Variants in ANKRD12 observed in about 807,000 individuals in gnomAD.
The protein encoded by ANKRD12 is ankyrin repeat domain 12.
ANKRD12 carries 85 observed loss-of-function variants against 183.4 expected under a neutral mutation model. The ratio of observed to expected loss-of-function variants is 0.46; its 90% CI spans 0.39 to 0.56. ANKRD12 has a LOEUF of 0.56. Ranked by LOEUF, ANKRD12 falls within the 20% of genes least tolerant of loss-of-function variation. ANKRD12 has a pLI of 0.00. For synonymous variants in ANKRD12, 914 were observed against 800.2 expected (o/e 1.14, Z -2.40); for missense variants, 2,405 against 2,357.1 (o/e 1.02, Z -0.42).
At chr18:9,201,326 C>T (rs1005787708) in intron 3 of ANKRD12, among the ~76,000 whole-genome samples, 2 of 152,170 alleles carry the variant, frequency 1.3e-5, no homozygotes, top group Admixed American at 6.5e-5. Flanking sequence ...CTAGTCTTAA[C>T]GGTGTCCAAG....
At chr18:9,175,945 A>G (rs891372850) in intron 1 of ANKRD12, among the ~76,000 whole-genome samples, 1 of 152,204 alleles carries the variant, frequency 6.6e-6, no homozygotes, top group Non-Finnish European at 1.5e-5. Context: ...TGAACCAAAA[A>G]AAACTCTTTG....
At chr18:9,206,254 A>G (rs938765448) in intron 4 of ANKRD12, among the ~76,000 whole-genome samples, 2 of 152,102 alleles carry the variant, frequency 1.3e-5, no homozygotes, top group African/African-American at 4.8e-5. Flanking sequence ...TTAAACTTCA[A>G]AGTTCTTGTC....
At chr18:9,147,043 T>C (rs1250915283) in intron 1 of ANKRD12, among the ~76,000 whole-genome samples, 1 of 152,220 alleles carries the variant, frequency 6.6e-6, no homozygotes, top group African/African-American at 2.4e-5. Context: ...TATTTATTAC[T>C]TGGATTGCTG....
chr18:9,205,959 T>C (rs1247834024), intron 4 of ANKRD12, among the ~76,000 whole-genome samples: 1 of 152,082 alleles, frequency 6.6e-6, no homozygotes, highest in Non-Finnish European at 1.5e-5. Context: ...TACTTAACAC[T>C]TAATTGGGAT....
At chr18:9,153,956 G>T (rs34492503) in intron 1 of ANKRD12, among the ~76,000 whole-genome samples, 2 of 151,900 alleles carry the variant, frequency 1.3e-5, no homozygotes, top group Non-Finnish European at 2.9e-5. Context: ...TAACTACTTA[G>T]TTCTGCATGT....
chr18:9,199,969 G>A (rs1289015256), intron 3 of ANKRD12, among the ~76,000 whole-genome samples: 1 of 151,978 alleles, frequency 6.6e-6, no homozygotes, highest in African/African-American at 2.4e-5. Flanking sequence ...TGAGATAATG[G>A]TCATATGTTA....
At position 9,283,876 on chromosome 18, in the gene ANKRD12, T is replaced by C. The variant is rs1322126410; in HGVS notation, c.*2750T>C. 8 of 152,460 alleles carry C rather than the reference T, an allele frequency of 5.2e-5. No individual in the cohort carries two copies. The highest frequency in any genetic ancestry group is 5.2e-4 in the Admixed American group (8 of 15,282). The allele number at this position is 152,460 out of a possible 1,614,324, so 9.4% of individuals were successfully genotyped here. ...AAACAGCCTTTGAAGAATTAGCCTT[T>C]CAAGTTCAAATCTATTTAATAATGA... On this transcript the variant is annotated 3_prime_UTR_variant, in exon 13 of 13. Coordinates refer to ENST00000262126, the MANE Select transcript of ANKRD12 (RefSeq NM_015208.5).
chr18:9,267,031 T>G (rs866959643), intron 10 of ANKRD12, among the ~76,000 whole-genome samples: 25 of 152,156 alleles, frequency 1.6e-4, no homozygotes, highest in African/African-American at 4.6e-4. Flanking sequence ...GGCCATTACA[T>G]AATGGTAAAG....
chr18:9,149,988 G>A (rs1342971657), intron 1 of ANKRD12, among the ~76,000 whole-genome samples: 2 of 151,680 alleles, frequency 1.3e-5, no homozygotes, highest in African/African-American at 4.8e-5. Context: ...GTAGAGACGG[G>A]GTTTCACCAT....
Position 9,275,615 on chromosome 18 carries a change from C to T in ANKRD12, c.5855C>T (p.Ala1952Val). ...TLANQTLPFS[A>V]CTVLLDAEVY... Reference sequence around the variant, plus strand: ...GCAAATCAAACACTGCCATTTAGTGCTTGTACTGTTTTGCTGGATGCCGAA... The same window carrying T: ...GCAAATCAAACACTGCCATTTAGTGTTTGTACTGTTTTGCTGGATGCCGAA... The change falls in exon 11 of 13, where the codon GCT becomes GTT. Residue 1952 changes from alanine (A) to valine (V), a missense_variant. This residue lies in a region of ANKRD12 where 162 missense variants were observed against 272.2 expected (regional missense o/e 0.60). Coordinates refer to ENST00000262126, the MANE Select transcript of ANKRD12 (RefSeq NM_015208.5). The T allele has an allele frequency of 3.1e-6, 5 of 1,607,708 alleles. No homozygotes were observed. Among genetic ancestry groups the T allele is most frequent in the Non-Finnish European group, 4.3e-6 (5 of 1,175,346 alleles).
intron 5 of ANKRD12, among the ~76,000 whole-genome samples, chr18:9,210,791 T>C (rs1430462631): frequency 1.3e-5 from 2 of 150,700 alleles, no homozygotes; most frequent in Non-Finnish European, 3.0e-5. Flanking sequence ...AGGATGGTAT[T>C]GCCTTAGAGC....
At chr18:9,165,353 T>C (rs2031923595) in intron 1 of ANKRD12, among the ~76,000 whole-genome samples, 1 of 152,156 alleles carries the variant, frequency 6.6e-6, no homozygotes, top group Non-Finnish European at 1.5e-5. Context: ...TGGTAAAATA[T>C]ACATAACATA....
chr18:9,255,654 CTAT>C lies in ANKRD12; in HGVS notation c.2388_2390del (p.Ile797del), dbSNP rs2038564124. 2 of 1,585,302 alleles carry C rather than the reference CTAT, an allele frequency of 1.3e-6. No homozygotes were observed. The highest frequency in any genetic ancestry group is 2.4e-5 in the South Asian group (2 of 84,110). ...TTGGGTATGAGTGCCATTGAGGAAT[CTAT>C]AGGGCTTCATTTAGTGGAAAAGGAA... On this transcript the variant is annotated inframe_deletion, in exon 9 of 13. Transcript: ENST00000262126.
In ANKRD12 at chr18:9,257,226, C is replaced by A. The variant is rs778006043; in HGVS notation, c.3959C>A (p.Thr1320Asn). Reference sequence around the variant, plus strand: ...ATGCCTTCTGTCATTTGTGAACATACCAAACAATTCCAAACAATATCAGAA... The same window carrying A: ...ATGCCTTCTGTCATTTGTGAACATAACAAACAATTCCAAACAATATCAGAA... The part of the protein sequence containing the change: ...CSMPSVICEH[T>N]KQFQTISEES... Residue 1320 changes from threonine to asparagine, a missense_variant, in exon 9 of 13, where the codon ACC (threonine) becomes AAC (asparagine). Physicochemically the swap from Thr to Asn is moderately conservative, Grantham distance 65. Coordinates refer to ENST00000262126, the MANE Select transcript of ANKRD12 (RefSeq NM_015208.5). 5 of 1,613,992 alleles carry A rather than the reference C, an allele frequency of 3.1e-6. No individual in the cohort carries two copies. The highest frequency in any genetic ancestry group is 3.4e-6 in the Non-Finnish European group (4 of 1,179,998).
At chr18:9,184,741 T>C (rs1446695057) in intron 2 of ANKRD12, among the ~76,000 whole-genome samples, 2 of 152,212 alleles carry the variant, frequency 1.3e-5, no homozygotes, top group Non-Finnish European at 2.9e-5. Context: ...AAGTATACAA[T>C]TCAGTTGTTT....
rs940611705 is a variant in ANKRD12 at position 9,284,699 on chromosome 18, A to G, written c.*3573A>G. On this transcript the variant is annotated 3_prime_UTR_variant, in exon 13 of 13. Coordinates refer to ENST00000262126, the MANE Select transcript of ANKRD12 (RefSeq NM_015208.5). Reference sequence around the variant, plus strand: ...AAGCCTCCACAGAGATAGTCACCCAAAGTATTTCCAGTCAGTAAAAGTAGA... The same window carrying G: ...AAGCCTCCACAGAGATAGTCACCCAGAGTATTTCCAGTCAGTAAAAGTAGA... The G allele has an allele frequency of 4.6e-5, 7 of 152,152 alleles. No individual in the cohort carries two copies. The highest frequency in any genetic ancestry group is 1.7e-4 in the African/African-American group (7 of 41,428). 9.4% of individuals were successfully genotyped at this position (152,152 alleles called of 1,614,324 possible). A position where few individuals can be genotyped will look rare whatever the true frequency, so the allele number is the denominator to read the frequency against.
chr18:9,202,123 G>C (rs911351211), intron 3 of ANKRD12, among the ~76,000 whole-genome samples: 2 of 152,136 alleles, frequency 1.3e-5, no homozygotes, highest in African/African-American at 4.8e-5. Context: ...ACCGCGCCCA[G>C]CCTTTTTTGG....
At chr18:9,170,519 A>G (rs1229897963) in intron 1 of ANKRD12, among the ~76,000 whole-genome samples, 4 of 152,096 alleles carry the variant, frequency 2.6e-5, no homozygotes, top group Non-Finnish European at 5.9e-5. Flanking sequence ...AGACTTCTGC[A>G]TTCGTCATGT....
At chr18:9,208,571 C>T in intron 4 of ANKRD12, 86 bp from the exon 5 acceptor site, 1 of 1,180,780 alleles carries the variant, frequency 8.5e-7, no homozygotes, top group South Asian at 1.6e-5. Context: ...TATATATGTA[C>T]AGCATCTATC....
Sources: gnomAD v4.1 joint callset for allele counts (sites outside exome capture counted in the v4.1 genomes callset) on GRCh38, gnomAD v4.1.1 for gene constraint, gnomAD v4.1.1 regional missense constraint, MANE v1.5 for transcripts, NCBI Gene and HGNC (gene_info 2026-07-23, HGNC 2026-07-21) for gene names.